CECR2: variants seen among roughly 807,000 people sequenced by gnomAD.
CECR2 encodes chromatin remodeling regulator CECR2.
In CECR2, 30 loss-of-function variants were observed where a neutral mutation model predicts 154.5. The ratio of observed to expected loss-of-function variants is 0.19; its 90% CI spans 0.15 to 0.26. The LOEUF is 0.26. CECR2 is among the 10% of genes least tolerant of loss of function. The probability of loss-of-function intolerance (pLI) is 1.00; values close to 1 mark genes in which losing one functional copy is unlikely to be tolerated. For synonymous variants in CECR2, 725 were observed against 683.7 expected, an observed-to-expected ratio of 1.06 and a Z score of -0.94; for missense variants, 1,743 against 1,829.3, an observed-to-expected ratio of 0.95 and a Z score of 0.86.
chr22:17,545,676 C>T (rs1005715262), intron 16 of CECR2, among the ~76,000 whole-genome samples: 2 of 151,518 alleles, frequency 1.3e-5, no homozygotes, highest in South Asian at 2.1e-4. Flanking sequence ...AACTCTGTCT[C>T]TACTAAAAAT....
intron 5 of CECR2, among the ~76,000 whole-genome samples, chr22:17,501,372 C>T (rs2055734355): frequency 6.6e-6 from 1 of 152,070 alleles, no homozygotes; most frequent in African/African-American, 2.4e-5. Context: ...TCCTGGCTAA[C>T]ACGGTGAAAC....
intron 16 of CECR2, among the ~76,000 whole-genome samples, chr22:17,544,850 A>G (rs890858363): frequency 2.7e-5 from 4 of 146,706 alleles, no homozygotes; most frequent in African/African-American, 1.0e-4. Context: ...TCATGCCTAT[A>G]GTCCCAGCTA....
At chr22:17,486,590 C>T in intron 2 of CECR2, among the ~76,000 whole-genome samples, 1 of 152,118 alleles carries the variant, frequency 6.6e-6, no homozygotes, top group East Asian at 1.9e-4. Flanking sequence ...GAGGGCAAGC[C>T]TTACTACAGC....
intron 1 of CECR2, among the ~76,000 whole-genome samples, chr22:17,454,160 G>GT (rs1212175911): frequency 6.6e-6 from 1 of 152,196 alleles, no homozygotes; most frequent in Non-Finnish European, 1.5e-5. Flanking sequence ...TTAGCCAGGT[G>GT]TGGTGGCCCA....
chr22:17,504,776 C>T, intron 6 of CECR2, 71 bp from the exon 7 acceptor site: 1 of 1,431,084 alleles, frequency 7.0e-7, no homozygotes, highest in Non-Finnish European at 9.6e-7. Flanking sequence ...ACAGTAGAAA[C>T]AAAATTGAGA....
chr22:17,453,854 A>T (rs1319567325), intron 1 of CECR2, among the ~76,000 whole-genome samples: 2 of 152,232 alleles, frequency 1.3e-5, no homozygotes, highest in Non-Finnish European at 2.9e-5. Flanking sequence ...AAGTATAAAA[A>T]TGGCCTTGCT....
intron 16 of CECR2, among the ~76,000 whole-genome samples, chr22:17,546,929 C>T (rs1411143944): frequency 6.7e-6 from 1 of 148,380 alleles, no homozygotes; most frequent in East Asian, 2.0e-4. Context: ...AGTTCAGCCA[C>T]TTGGGAGTCT....
rs1158270472 is a variant in CECR2, at chr22:17,404,365, TTTC to T, written c.126+34459_126+34461del. 6.0e-4 allele frequency among the ~76,000 whole-genome samples: 40 copies of T among 66,658 alleles called. 4 individuals are homozygous for T. Among genetic ancestry groups the T allele is most frequent in the African/African-American group, 1.5e-3 (20 of 13,074 alleles). The allele number at this position is 66,658 out of a possible 152,430, so 43.7% of individuals were successfully genotyped here. A position where few individuals can be genotyped will look rare whatever the true frequency, so the allele number is the denominator to read the frequency against. On this transcript the variant is annotated intron_variant, in intron 1 of 18. Coordinates refer to ENST00000262608, the MANE Select transcript of CECR2 (RefSeq NM_001290047.2). ...GTGGGTTCATTTCTGGACCCTGTTC[TTTC>T]TTTTTTTTTTTTTTTTTTTTTTTGA...
At position 17,420,651 on chromosome 22, in the gene CECR2, T is replaced by C. The variant is rs8140717; in HGVS notation, c.126+50742T>C. ...CCACTTTGTTGTGTTGTTTTCATTA[T>C]TGAAAATAAATATAACTTTGTATTT... On this transcript the variant is annotated intron_variant, in intron 1 of 18. Transcript: ENST00000262608. 4.6e-5 allele frequency among the ~76,000 whole-genome samples: 7 copies of C among 152,220 alleles called. No individual in the cohort carries two copies. In the East Asian group the frequency reaches 5.8e-4, roughly 13 times the overall value.
chr22:17,549,662 G>C, intron 17 of CECR2, 98 bp downstream of exon 17: 1 of 1,087,214 alleles, frequency 9.2e-7, no homozygotes, highest in Non-Finnish European at 1.3e-6. Context: ...ACCCAGGCTG[G>C]AGTGCAGTGG....
intron 7 of CECR2, among the ~76,000 whole-genome samples, chr22:17,506,745 C>T (rs1213996494): frequency 6.6e-6 from 1 of 152,184 alleles, no homozygotes; most frequent in Non-Finnish European, 1.5e-5. Context: ...CCTCCACCTC[C>T]TGGGTTCAAG....
chr22:17,378,533 T>A (rs2146461621), intron 1 of CECR2, among the ~76,000 whole-genome samples: 1 of 151,278 alleles, frequency 6.6e-6, no homozygotes, highest in East Asian at 1.9e-4. Context: ...CCTGACCCCC[T>A]CCTCGGCCTC....
chr22:17,371,907 T>C (rs1051754186), intron 1 of CECR2, among the ~76,000 whole-genome samples: 1 of 152,262 alleles, frequency 6.6e-6, no homozygotes, highest in Non-Finnish European at 1.5e-5. Context: ...TCTTCTGTTA[T>C]AAGCAATAAA....
chr22:17,555,760 T>A lies in CECR2; in HGVS notation c.*2920T>A, dbSNP rs2056766011. On this transcript the variant is annotated 3_prime_UTR_variant, in exon 19 of 19. Coordinates refer to ENST00000262608, the MANE Select transcript of CECR2 (RefSeq NM_001290047.2). ...GTTTGCTCTCAAGCTAGAAGGACAT[T>A]TCACCCTGTGGGTCACTGTCACCTT... 1.3e-5 allele frequency: 2 copies of A among 152,298 alleles called. No individual in the cohort carries two copies. Among genetic ancestry groups the A allele is most frequent in the South Asian group, 4.2e-4 (2 of 4,816 alleles). 9.4% of individuals were successfully genotyped at this position (152,298 alleles called of 1,614,324 possible). A position where few individuals can be genotyped will look rare whatever the true frequency, so the allele number is the denominator to read the frequency against.
chr22:17,398,096 A>G (rs1381957125), intron 1 of CECR2, among the ~76,000 whole-genome samples: 1 of 151,748 alleles, frequency 6.6e-6, no homozygotes, highest in Admixed American at 6.6e-5. Flanking sequence ...ATTTTATTAT[A>G]TATTTCATGG....
intron 2 of CECR2, among the ~76,000 whole-genome samples, chr22:17,479,768 T>TC (rs1252842857): frequency 6.9e-6 from 1 of 145,366 alleles, no homozygotes; most frequent in African/African-American, 2.6e-5. Flanking sequence ...GGTCTTTCTT[T>TC]TTTTTTTTTT....
intron 8 of CECR2, among the ~76,000 whole-genome samples, chr22:17,521,195 T>C (rs1160798604): frequency 2.0e-5 from 3 of 152,230 alleles, no homozygotes; most frequent in African/African-American, 7.2e-5. Flanking sequence ...TGACCAGTGA[T>C]GATGAGCATT....
At chr22:17,449,625 G>A (rs1167563249) in intron 1 of CECR2, among the ~76,000 whole-genome samples, 1 of 151,588 alleles carries the variant, frequency 6.6e-6, no homozygotes, top group East Asian at 1.9e-4. Flanking sequence ...GAGTAGCTGG[G>A]ACTACAGGCG....
chr22:17,362,397 A>G (rs1180921853), intron 1 of CECR2, among the ~76,000 whole-genome samples: 3 of 152,204 alleles, frequency 2.0e-5, no homozygotes, highest in Non-Finnish European at 4.4e-5. Context: ...TTAGGTTACT[A>G]TAGACCAGCA....
Sources: allele counts gnomAD v4.1 joint callset (sites outside exome capture counted in the v4.1 genomes callset), GRCh38; gene constraint gnomAD v4.1.1; transcripts MANE v1.5; gene names NCBI Gene and HGNC (gene_info 2026-07-23, HGNC 2026-07-21).